Variants in ACOT11 observed in about 807,000 individuals in gnomAD.
ACOT11 encodes acyl-coenzyme A thioesterase 11.
Under a neutral mutation model 77.5 loss-of-function variants are expected in ACOT11, and 69 were observed. The observed-to-expected ratio is 0.89, with a 90% CI of 0.73 to 1.09. The LOEUF is 1.09. Among genes scored for constraint, ACOT11 ranks in the 50% least tolerant of loss-of-function variants. The pLI is 0.00. For synonymous variants in ACOT11, 279 were observed against 313.0 expected, an observed-to-expected ratio of 0.89 and a Z score of 1.15; for missense variants, 766 against 813.7, an observed-to-expected ratio of 0.94 and a Z score of 0.71.
intron 1 of ACOT11, among the ~76,000 whole-genome samples, chr1:54,563,073 G>C (rs386020): frequency 0.19 from 28,534 of 150,586 alleles, 3,594 homozygotes; most frequent in African/African-American, 0.42. Flanking sequence ...CCTTGCCCTC[G>C]GGCCCTGCGG....
chr1:54,550,210 G>A (rs1653015669), intron 1 of ACOT11, among the ~76,000 whole-genome samples: 1 of 152,200 alleles, frequency 6.6e-6, no homozygotes, highest in African/African-American at 2.4e-5. Flanking sequence ...AGGCGCAGAT[G>A]TGGGATTCCA....
intron 1 of ACOT11, among the ~76,000 whole-genome samples, chr1:54,583,683 G>T (rs1320876575): frequency 6.7e-6 from 1 of 148,288 alleles, no homozygotes; most frequent in East Asian, 1.9e-4. Flanking sequence ...TAGGTTTGTT[G>T]GGAGGATAAA....
intron 15 of ACOT11, 42 bp downstream of exon 15, chr1:54,608,110 C>T: frequency 1.3e-6 from 2 of 1,586,312 alleles, no homozygotes; most frequent in Non-Finnish European, 1.7e-6. Flanking sequence ...CCTGGCTCCA[C>T]CCCAACACCA....
At chr1:54,613,063 GA>G (rs1557670361), downstream of ACOT11, among the ~76,000 whole-genome samples, 1 of 152,000 alleles carries the variant, frequency 6.6e-6, no homozygotes, top group Admixed American at 6.6e-5. Context: ...GGGAGTCTCT[GA>G]AGTTTCTCAG....
chr1:54,556,673 C>T (rs921882529), intron 1 of ACOT11, among the ~76,000 whole-genome samples: 4 of 152,074 alleles, frequency 2.6e-5, no homozygotes, highest in African/African-American at 9.7e-5. Flanking sequence ...CCTCTGCCTC[C>T]TGGGTTCAAG....
chr1:54,603,942 G>A lies in ACOT11; in HGVS notation c.1152+5G>A. The A allele has an allele frequency of 6.2e-7, 1 of 1,613,846 alleles. No homozygotes were observed. The highest frequency in any genetic ancestry group is 1.1e-5 in the South Asian group (1 of 91,074). ...CCCTGGGACCCTAGCAACCAGGTAA[G>A]GCTCTCTGCTCCGAGAGGACAGTCT... On this transcript the variant is annotated splice_donor_5th_base_variant and intron_variant, in intron 11 of 15. Transcript: ENST00000343744.
intron 16 of ACOT11, among the ~76,000 whole-genome samples, chr1:54,633,393 A>G (rs991758226): frequency 9.9e-5 from 15 of 152,254 alleles, no homozygotes; most frequent in Non-Finnish European, 1.9e-4. Context: ...GTTCAGTTAT[A>G]CAACCTATGG....
exon 17 of ACOT11, chr1:54,636,533 T>C (rs961808036): frequency 6.6e-6 from 1 of 152,234 alleles, no homozygotes; most frequent in African/African-American, 2.4e-5. Context: ...ATATTCCATG[T>C]AAAGTAAATC....
intron 16 of ACOT11, among the ~76,000 whole-genome samples, chr1:54,631,941 T>C (rs938870911): frequency 1.3e-5 from 2 of 152,148 alleles, no homozygotes; most frequent in South Asian, 4.1e-4. Context: ...TCGGAGGTAA[T>C]CTGCGTAAAG....
At chr1:54,549,811 C>T (rs1652999759) in intron 1 of ACOT11, among the ~76,000 whole-genome samples, 1 of 152,238 alleles carries the variant, frequency 6.6e-6, no homozygotes, top group Non-Finnish European at 1.5e-5. Context: ...GCCGCTTGCT[C>T]TTGTCACCTG....
chr1:54,603,633 C>T (rs1168718643), intron 10 of ACOT11, among the ~76,000 whole-genome samples: 7 of 152,118 alleles, frequency 4.6e-5, no homozygotes, highest in Admixed American at 2.0e-4. Context: ...GAGCCTTAGA[C>T]GCCATACCCT....
chr1:54,617,072 T>C (rs1324403516), intron 15 of ACOT11, among the ~76,000 whole-genome samples: 1 of 152,250 alleles, frequency 6.6e-6, no homozygotes, highest in African/African-American at 2.4e-5. Flanking sequence ...TTCTTGTTCC[T>C]GCACAAGGTT....
chr1:54,580,917 G>A (rs1369019773), intron 1 of ACOT11, among the ~76,000 whole-genome samples: 4 of 152,232 alleles, frequency 2.6e-5, no homozygotes, highest in South Asian at 4.1e-4. Context: ...GGAAGACAGC[G>A]GGAGTGAGAG....
At chr1:54,583,191 C>T (rs1186540701) in intron 1 of ACOT11, among the ~76,000 whole-genome samples, 1 of 152,150 alleles carries the variant, frequency 6.6e-6, no homozygotes, top group Admixed American at 6.5e-5. Flanking sequence ...CTGAGAGCTC[C>T]TGGGATGGCT....
chr1:54,592,844 G>A (rs12046418), intron 4 of ACOT11, among the ~76,000 whole-genome samples: 1 of 152,212 alleles, frequency 6.6e-6, no homozygotes, highest in East Asian at 1.9e-4. Flanking sequence ...CCAGGTCACT[G>A]AGCTACATAG....
intron 15 of ACOT11, among the ~76,000 whole-genome samples, chr1:54,630,218 TA>T (rs1245915369): frequency 1.1e-5 from 1 of 88,668 alleles, no homozygotes; most frequent in African/African-American, 3.2e-5. Context: ...TTTAAAGAAA[TA>T]AAAAAAACAA....
At chr1:54,638,556 C>CT (rs1395120780) in exon 17 of ACOT11, 1 of 152,154 alleles carries the variant, frequency 6.6e-6, no homozygotes, top group Non-Finnish European at 1.5e-5. Context: ...TGGGGTTTCA[C>CT]TGTGTTGGCC....
intron 1 of ACOT11, among the ~76,000 whole-genome samples, chr1:54,559,267 A>G (rs574135603): frequency 2.8e-4 from 43 of 152,116 alleles, no homozygotes; most frequent in African/African-American, 9.6e-4. Flanking sequence ...TCACACACTG[A>G]CAGTGTAGAT....
At chr1:54,588,598 A>AG (rs1654589251) in intron 3 of ACOT11, among the ~76,000 whole-genome samples, 1 of 152,048 alleles carries the variant, frequency 6.6e-6, no homozygotes, top group Non-Finnish European at 1.5e-5. Flanking sequence ...AGGGTAGTCA[A>AG]GGGGGGACTT....
Sources: gnomAD v4.1 joint callset for allele counts (sites outside exome capture counted in the v4.1 genomes callset) on GRCh38, gnomAD v4.1.1 for gene constraint, MANE v1.5 for transcripts, NCBI Gene and HGNC (gene_info 2026-07-23, HGNC 2026-07-21) for gene names.